The following CFAP298 variants were observed in gnomAD, a reference collection of about 807,000 sequenced individuals.
CFAP298 encodes the protein cilia and flagella associated protein 298.
In CFAP298, 38 loss-of-function variants were observed where a neutral mutation model predicts 41.0. The ratio of observed to expected loss-of-function variants is 0.93; its 90% CI spans 0.72 to 1.22. The LOEUF is 1.22. Ranked by LOEUF, CFAP298 falls within the 50% of genes most tolerant of loss-of-function variation. CFAP298 has a pLI of 0.00. For missense variants in CFAP298, 348 were observed against 360.3 expected, an observed-to-expected ratio of 0.97 and a Z score of 0.28; for synonymous variants, 137 against 135.3, an observed-to-expected ratio of 1.01 and a Z score of -0.09.
At chr21:32,603,030 G>T in intron 5 of CFAP298, 131 bp downstream of exon 5, 1 of 1,267,798 alleles carries the variant, frequency 7.9e-7, no homozygotes, top group Non-Finnish European at 1.1e-6. Context: ...GATATTTTTA[G>T]TTTAAACCCG....
rs1275399196 is a variant in CFAP298, at chr21:32,600,347, C to T, written c.*1516G>A. On this transcript the variant is annotated 3_prime_UTR_variant, in exon 7 of 7. Coordinates refer to ENST00000290155, the MANE Select transcript of CFAP298 (RefSeq NM_021254.4). ...CAGCGCTTTGCTCTCAGGTCTGGGACCCACCCCCTGGGCAAGGCCGCCTGG... is the reference window on the plus strand; with the variant it reads ...CAGCGCTTTGCTCTCAGGTCTGGGATCCACCCCCTGGGCAAGGCCGCCTGG... Among the ~76,000 whole-genome samples, 1 of 152,226 alleles carries T rather than the reference C, an allele frequency of 6.6e-6. No individual in the cohort carries two copies. The highest frequency in any genetic ancestry group is 1.5e-5 in the Non-Finnish European group (1 of 68,042).
At chr21:32,606,738 G>C (rs111541352) in intron 3 of CFAP298, among the ~76,000 whole-genome samples, 1 of 152,208 alleles carries the variant, frequency 6.6e-6, no homozygotes, top group Non-Finnish European at 1.5e-5. Flanking sequence ...AAAAAGTGGT[G>C]ATCAGTCAAG....
At chr21:32,610,054 C>T in intron 1 of CFAP298, 49 bp from the exon 2 acceptor site, 1 of 1,515,780 alleles carries the variant, frequency 6.6e-7, no homozygotes, top group African/African-American at 1.4e-5. Flanking sequence ...CCTCATACCC[C>T]ATTGGAATGT....
chr21:32,611,856 G>A (rs2039007621), intron 1 of CFAP298, among the ~76,000 whole-genome samples: 1 of 151,768 alleles, frequency 6.6e-6, no homozygotes, highest in South Asian at 2.1e-4. Context: ...CCACTTATTC[G>A]CAGCACCCCA....
intron 4 of CFAP298, 22 bp downstream of exon 4, chr21:32,604,103 T>A (rs1568992396): frequency 6.2e-7 from 1 of 1,608,334 alleles, no homozygotes; most frequent in Non-Finnish European, 8.5e-7. Flanking sequence ...ACCTCCAGAG[T>A]ACCCACTCAC....
rs1009726909 is a variant in CFAP298, at chr21:32,609,922, A to G, written c.223T>C (p.Leu75=). The part of the protein sequence containing the change: ...LTDDQIEELK[L]KDEWGEKCVP... ...CATTTTTCACCCCATTCATCCTTCA[A>G]TTTCAATTCTTCAATCTGATCATCG... Residue 75 remains leucine (L), a synonymous_variant, in exon 2 of 7, where the codon TTG becomes CTG. Transcript: ENST00000290155. 1 of 1,614,002 alleles carries G rather than the reference A, an allele frequency of 6.2e-7. No individual in the cohort carries two copies.
At chr21:32,604,338 C>T (rs759380823) in intron 3 of CFAP298, 55 bp from the exon 4 acceptor site, 7 of 1,594,736 alleles carry the variant, frequency 4.4e-6, no homozygotes, top group South Asian at 3.3e-5. Context: ...TCCATAAATT[C>T]GATCAAGATC....
intron 2 of CFAP298, among the ~76,000 whole-genome samples, chr21:32,608,499 A>G (rs2038918098): frequency 6.6e-6 from 1 of 151,956 alleles, no homozygotes; most frequent in South Asian, 2.1e-4. Context: ...TCTATGAAAA[A>G]TACAAAAATT....
chr21:32,604,896 C>A (rs1470952024), intron 3 of CFAP298, among the ~76,000 whole-genome samples: 1 of 152,116 alleles, frequency 6.6e-6, no homozygotes. Flanking sequence ...ACCTAGTTGG[C>A]CAGATGTGGT....
Position 32,603,607 on chromosome 21 carries a change from G to T in CFAP298, c.535-315C>A, listed in dbSNP as rs1441147193. Among the ~76,000 whole-genome samples, 6 of 152,134 alleles carry T rather than the reference G, an allele frequency of 3.9e-5. No individual in the cohort carries two copies. The East Asian group carries it at 1.2e-3, about 29-fold the overall frequency. ...AGGGAAGGGCACTGGCATCGTGCTG[G>T]GTGTTTAAATCGAGGTATAAAGGGG... On this transcript the variant is annotated intron_variant, in intron 4 of 6. Coordinates refer to ENST00000290155, the MANE Select transcript of CFAP298 (RefSeq NM_021254.4).
intron 3 of CFAP298, among the ~76,000 whole-genome samples, chr21:32,606,906 A>C (rs975445922): frequency 6.6e-6 from 1 of 152,164 alleles, no homozygotes; most frequent in Admixed American, 6.5e-5. Flanking sequence ...CCCTCTATAA[A>C]CTAGCCTTTG....
At chr21:32,610,957 CTATGCTGTCT>C (rs2038977578) in intron 1 of CFAP298, among the ~76,000 whole-genome samples, 2 of 152,036 alleles carry the variant, frequency 1.3e-5, no homozygotes, top group Non-Finnish European at 2.9e-5. Context: ...AGTTCAAAAA[CTATGCTGTCT>C]AATGCGGCAG....
intron 3 of CFAP298, among the ~76,000 whole-genome samples, chr21:32,606,996 C>A (rs926691165): frequency 2.0e-5 from 3 of 152,162 alleles, no homozygotes; most frequent in Non-Finnish European, 4.4e-5. Context: ...GAGAGCTACT[C>A]GATGGCCACA....
At position 32,607,689 on chromosome 21, in the gene CFAP298, A is replaced by G; in HGVS notation, c.335T>C (p.Leu112Ser). ...QAPNEKMKQV[L>S]KKTIEEAKAI... is the part of the protein sequence containing the mutation. ...TTTGGCTTCTTCTATAGTCTTCTTTAACACTTGCTTCATCTTCTCATTTGG... is the reference window on the plus strand; with the variant it reads ...TTTGGCTTCTTCTATAGTCTTCTTTGACACTTGCTTCATCTTCTCATTTGG... Residue 112 changes from leucine to serine, a missense_variant, in exon 3 of 7, where the codon TTA (leucine) becomes TCA (serine). Leu to Ser is a moderately radical substitution (Grantham distance 145, BLOSUM62 -2). Transcript: ENST00000290155. 1 of 1,601,918 alleles carries G rather than the reference A, an allele frequency of 6.2e-7. No individual in the cohort carries two copies. Among genetic ancestry groups the G allele is most frequent in the Non-Finnish European group, 8.5e-7 (1 of 1,171,914 alleles).
chr21:32,608,224 CAAAAAAA>C (rs751998741), intron 2 of CFAP298, among the ~76,000 whole-genome samples: 7 of 93,946 alleles, frequency 7.5e-5, no homozygotes, highest in Non-Finnish European at 1.3e-4. Context: ...GCTTAGAAGC[CAAAAAAA>C]AAAAAAAAAA....
At chr21:32,603,095 T>A in intron 5 of CFAP298, 66 bp downstream of exon 5, 1 of 1,561,138 alleles carries the variant, frequency 6.4e-7, no homozygotes, top group East Asian at 2.2e-5. Flanking sequence ...GGATTCACTG[T>A]ACATTTTTAT....
chr21:32,606,697 G>C (rs550515020), intron 3 of CFAP298, among the ~76,000 whole-genome samples: 2 of 152,312 alleles, frequency 1.3e-5, no homozygotes, highest in African/African-American at 2.4e-5. Flanking sequence ...AAAAATAACA[G>C]TTCTGCTGAG....
chr21:32,602,485 C>T, intron 5 of CFAP298, 118 bp from the exon 6 acceptor site: 1 of 1,464,786 alleles, frequency 6.8e-7, no homozygotes, highest in Non-Finnish European at 9.0e-7. Flanking sequence ...AACAGGTCCC[C>T]CATGTCTGAT....
rs11538145 is a variant in CFAP298, at chr21:32,612,290, T to C, written c.-47A>G. 7.1e-7 allele frequency: 1 copy of C among 1,399,630 alleles called. No homozygotes were observed. The highest frequency in any genetic ancestry group is 9.7e-7 in the Non-Finnish European group (1 of 1,026,694). The allele number at this position is 1,399,630 out of a possible 1,614,324, so 86.7% of individuals were successfully genotyped here. On this transcript the variant is annotated 5_prime_UTR_variant, in exon 1 of 7. Transcript: ENST00000290155. ...AGGCGTTGAGAAGGCCCCGGCTGCG[T>C]GGCCCGCGGGTCCTGCCGGCCGAGG... is the stretch of plus-strand genomic sequence containing the variant.
Sources: gnomAD v4.1 joint callset for allele counts (sites outside exome capture counted in the v4.1 genomes callset) on GRCh38, gnomAD v4.1.1 for gene constraint, MANE v1.5 for transcripts, NCBI Gene and HGNC (gene_info 2026-07-23, HGNC 2026-07-21) for gene names.